The following CCDC102B variants were observed in gnomAD, a reference collection of about 807,000 sequenced individuals.
CCDC102B encodes the protein coiled-coil domain-containing protein 102B.
A neutral mutation model predicts 57.4 loss-of-function variants in CCDC102B; 75 were observed. That is an observed-to-expected ratio of 1.31 (90% CI 1.08 to 1.58). CCDC102B has a LOEUF of 1.58. CCDC102B is among the 40% of genes most tolerant of loss of function. The probability of loss-of-function intolerance (pLI) is 0.00; values close to 1 mark genes in which losing one functional copy is unlikely to be tolerated. For missense variants in CCDC102B, 636 were observed against 582.6 expected (o/e 1.09, Z -0.94); for synonymous variants, 206 against 201.9 (o/e 1.02, Z -0.17).
intron 6 of CCDC102B, among the ~76,000 whole-genome samples, chr18:68,903,534 T>C (rs2040522942): frequency 6.6e-6 from 1 of 152,202 alleles, no homozygotes; most frequent in Non-Finnish European, 1.5e-5. Context: ...AATAGTATGA[T>C]CTATAGTATC....
intron 2 of CCDC102B, among the ~76,000 whole-genome samples, chr18:68,718,710 C>T (rs1390274991): frequency 1.3e-5 from 2 of 152,072 alleles, no homozygotes; most frequent in African/African-American, 4.8e-5. Context: ...CATCAGTTGC[C>T]TGGAGAGCTT....
chr18:69,024,390 A>G (rs192623796), intron 7 of CCDC102B, among the ~76,000 whole-genome samples: 1 of 152,232 alleles, frequency 6.6e-6, no homozygotes, highest in East Asian at 1.9e-4. Flanking sequence ...GAGCTATTTT[A>G]TCTTACATTA....
At chr18:68,796,869 G>A (rs1440508973), upstream of CCDC102B, among the ~76,000 whole-genome samples, 1 of 146,300 alleles carries the variant, frequency 6.8e-6, no homozygotes, top group Non-Finnish European at 1.5e-5. Flanking sequence ...GTGTGTGTGT[G>A]TATTGTCACT....
At chr18:68,826,382 C>G (rs1242890435) in intron 1 of CCDC102B, among the ~76,000 whole-genome samples, 1 of 152,152 alleles carries the variant, frequency 6.6e-6, no homozygotes, top group Non-Finnish European at 1.5e-5. Context: ...CCACGTGGGC[C>G]TCTCCAAACA....
At chr18:69,025,208 CTAATA>C (rs1244928348) in intron 7 of CCDC102B, among the ~76,000 whole-genome samples, 2 of 152,002 alleles carry the variant, frequency 1.3e-5, no homozygotes, top group Non-Finnish European at 2.9e-5. Context: ...AGTTATCAAA[CTAATA>C]TATGTACACT....
At chr18:69,045,315 T>TA (rs2052534052) in intron 7 of CCDC102B, among the ~76,000 whole-genome samples, 1 of 151,938 alleles carries the variant, frequency 6.6e-6, no homozygotes, top group Non-Finnish European at 1.5e-5. Context: ...ACAAACAAAC[T>TA]TTTCTAGTGA....
intron 5 of CCDC102B, among the ~76,000 whole-genome samples, chr18:68,886,310 G>T (rs2039881539): frequency 6.6e-6 from 1 of 151,686 alleles, no homozygotes; most frequent in Non-Finnish European, 1.5e-5. Flanking sequence ...GGAGATAATA[G>T]GCCTTCACAT....
At chr18:68,756,795 T>C (rs1009261580) in intron 2 of CCDC102B, among the ~76,000 whole-genome samples, 2 of 152,146 alleles carry the variant, frequency 1.3e-5, no homozygotes, top group Non-Finnish European at 2.9e-5. Flanking sequence ...CCCCAGTATT[T>C]TCTAGGCCAA....
chr18:68,777,756 C>T (rs1429348170), intron 2 of CCDC102B, among the ~76,000 whole-genome samples: 1 of 151,550 alleles, frequency 6.6e-6, no homozygotes, highest in East Asian at 2.1e-4. Flanking sequence ...GAGAGTCTTG[C>T]CTGGAAGTAA....
chr18:69,046,296 G>A (rs112579251), intron 7 of CCDC102B, among the ~76,000 whole-genome samples: 3,092 of 152,116 alleles, frequency 0.02, 98 homozygotes, highest in African/African-American at 0.069. Context: ...AGCCATTCTG[G>A]CTGGTATAAG....
At position 68,836,747 on chromosome 18, in the gene CCDC102B, A is replaced by G; in HGVS notation, c.-15-2A>G. ...GAAATTATGGTCTCTATCTTTTCTCAGGTCTTAAAAATAAATATGAATTTA... is the reference window on the plus strand; with the variant it reads ...GAAATTATGGTCTCTATCTTTTCTCGGGTCTTAAAAATAAATATGAATTTA... On this transcript the variant is annotated splice_acceptor_variant, in intron 1 of 7. Coordinates refer to ENST00000360242, the MANE Select transcript of CCDC102B (RefSeq NM_024781.3). LOFTEE classifies it low-confidence loss of function (5UTR_SPLICE). The G allele has an allele frequency of 6.3e-7, 1 of 1,596,220 alleles. No individual in the cohort carries two copies. The highest frequency in any genetic ancestry group is 8.5e-7 in the Non-Finnish European group (1 of 1,171,642).
At chr18:68,870,023 A>G (rs935165274) in intron 4 of CCDC102B, among the ~76,000 whole-genome samples, 10 of 152,210 alleles carry the variant, frequency 6.6e-5, no homozygotes, top group Non-Finnish European at 1.5e-4. Context: ...GTCGAAGATC[A>G]GATGGTTGTA....
At chr18:68,848,404 C>T (rs2037971616) in intron 4 of CCDC102B, among the ~76,000 whole-genome samples, 1 of 151,896 alleles carries the variant, frequency 6.6e-6, no homozygotes. Flanking sequence ...AAATACATGC[C>T]TGTCTAAGAA....
chr18:69,017,296 G>A (rs2051697223), intron 7 of CCDC102B, among the ~76,000 whole-genome samples: 1 of 151,718 alleles, frequency 6.6e-6, no homozygotes, highest in African/African-American at 2.4e-5. Context: ...TTTTGTGTGT[G>A]TGTTTTTCTG....
At chr18:68,750,993 A>G (rs1383045896) in intron 2 of CCDC102B, among the ~76,000 whole-genome samples, 1 of 152,120 alleles carries the variant, frequency 6.6e-6, no homozygotes, top group Non-Finnish European at 1.5e-5. Context: ...AAAACTCAAT[A>G]CTTTTCAGTA....
Position 68,829,983 on chromosome 18 carries a change from T to C in CCDC102B, c.-15-6766T>C, listed in dbSNP as rs529762932. On this transcript the variant is annotated intron_variant, in intron 1 of 7. Transcript: ENST00000360242. ...GATGATACAACCGTCCTTCTCTTAGTACCACCTAGTTTGTAGTGGAACTGT... is the reference window on the plus strand; with the variant it reads ...GATGATACAACCGTCCTTCTCTTAGCACCACCTAGTTTGTAGTGGAACTGT... 2.0e-5 allele frequency among the ~76,000 whole-genome samples: 3 copies of C among 152,154 alleles called. No homozygotes were observed. The South Asian group carries it at 6.2e-4, about 32-fold the overall frequency.
At chr18:68,951,248 A>T (rs2049688865) in intron 6 of CCDC102B, among the ~76,000 whole-genome samples, 1 of 152,128 alleles carries the variant, frequency 6.6e-6, no homozygotes, top group Non-Finnish European at 1.5e-5. Flanking sequence ...AAAAATTCAG[A>T]ACGGGTGTTT....
At chr18:68,885,829 C>T (rs1023213476) in intron 5 of CCDC102B, among the ~76,000 whole-genome samples, 8 of 151,556 alleles carry the variant, frequency 5.3e-5, no homozygotes, top group African/African-American at 1.9e-4. Context: ...AAAGTTGATG[C>T]CAGGTAAAAG....
intron 1 of CCDC102B, among the ~76,000 whole-genome samples, chr18:68,831,699 A>G (rs2037148017): frequency 6.6e-6 from 1 of 152,176 alleles, no homozygotes; most frequent in African/African-American, 2.4e-5. Flanking sequence ...TTTTTAAAAT[A>G]GAATATTTAA....
Sources: gnomAD v4.1 joint callset for allele counts (sites outside exome capture counted in the v4.1 genomes callset) on GRCh38, gnomAD v4.1.1 for gene constraint, MANE v1.5 for transcripts, NCBI Gene and HGNC (gene_info 2026-07-23, HGNC 2026-07-21) for gene names.